The following UGT1A9 variants were observed in gnomAD, a reference collection of about 807,000 sequenced individuals.
UGT1A9 encodes UDP glucuronosyltransferase family 1 member A9, also known as UDP-glucuronosyltransferase 1A9.
Under a neutral mutation model 45.0 loss-of-function variants are expected in UGT1A9, and 35 were observed. The observed-to-expected ratio is 0.78, with a 90% CI of 0.59 to 1.03. UGT1A9 has a LOEUF of 1.03. Among genes scored for constraint, UGT1A9 ranks in the 50% least tolerant of loss-of-function variants. The pLI is 0.00. For synonymous variants in UGT1A9, 278 were observed against 250.6 expected, an observed-to-expected ratio of 1.11 and a Z score of -1.03; for missense variants, 687 against 666.6, an observed-to-expected ratio of 1.03 and a Z score of -0.34.
intron 1 of UGT1A9, among the ~76,000 whole-genome samples, chr2:233,717,113 A>T (rs1374660753): frequency 6.6e-6 from 1 of 152,068 alleles, no homozygotes; most frequent in Admixed American, 6.6e-5. Flanking sequence ...ATAAAACACC[A>T]CTACATGGAA....
chr2:233,686,248 G>A (rs931789955), intron 1 of UGT1A9, among the ~76,000 whole-genome samples: 3 of 149,774 alleles, frequency 2.0e-5, no homozygotes, highest in African/African-American at 7.3e-5. Flanking sequence ...TGGTTTCTGA[G>A]ATTTTTTTTT....
At chr2:233,737,438 C>T (rs756713740) in intron 1 of UGT1A9, among the ~76,000 whole-genome samples, 1 of 152,164 alleles carries the variant, frequency 6.6e-6, no homozygotes, top group Non-Finnish European at 1.5e-5. Context: ...GTGGGAGTGT[C>T]CCGTTTTTCC....
intron 1 of UGT1A9, among the ~76,000 whole-genome samples, chr2:233,757,694 G>A (rs757732265): frequency 2.0e-5 from 3 of 151,666 alleles, no homozygotes; most frequent in Non-Finnish European, 4.4e-5. Flanking sequence ...ATTCAAGGAA[G>A]GTGGCTTTGC....
At chr2:233,712,429 G>A (rs1352438227) in intron 1 of UGT1A9, among the ~76,000 whole-genome samples, 1 of 152,122 alleles carries the variant, frequency 6.6e-6, no homozygotes, top group African/African-American at 2.4e-5. Flanking sequence ...GAAATATCCT[G>A]GTGTGAAAAA....
intron 1 of UGT1A9, among the ~76,000 whole-genome samples, chr2:233,715,183 G>A (rs1174195139): frequency 6.6e-6 from 1 of 152,120 alleles, no homozygotes; most frequent in South Asian, 2.1e-4. Flanking sequence ...ACCACACCTA[G>A]GCAATTTTTC....
intron 1 of UGT1A9, chr2:233,682,183 T>A: frequency 6.2e-7 from 1 of 1,614,154 alleles, no homozygotes; most frequent in Non-Finnish European, 8.5e-7. Context: ...CCTCATACAC[T>A]CTGGAGGATC....
At chr2:233,674,028 T>G (rs2074270928) in intron 1 of UGT1A9, among the ~76,000 whole-genome samples, 1 of 152,198 alleles carries the variant, frequency 6.6e-6, no homozygotes, top group Admixed American at 6.5e-5. Flanking sequence ...AATAACATTC[T>G]TAGCAAATGT....
Position 233,672,310 on chromosome 2 carries a change from A to G in UGT1A9, c.376A>G (p.Ser126Gly). 1 of 1,614,062 alleles carries G rather than the reference A, an allele frequency of 6.2e-7. No individual in the cohort carries two copies. Residue 126 changes from serine (S) to glycine (G), a missense_variant, in exon 1 of 5, where the codon AGT becomes GGT. Transcript: ENST00000354728. ...TGACTTATTTTTTTCAAATTGCAGG[A>G]GTTTGTTTAAAGACAAAAAATTAGT... The part of the protein sequence containing the change: ...IFDLFFSNCR[S>G]LFKDKKLVEY...
At chr2:233,746,265 C>T (rs187514797) in intron 1 of UGT1A9, among the ~76,000 whole-genome samples, 21 of 151,710 alleles carry the variant, frequency 1.4e-4, no homozygotes, top group Admixed American at 8.5e-4. Context: ...CAGAACAAAA[C>T]GCTGTGGGGA....
chr2:233,676,793 T>G (rs933998892), intron 1 of UGT1A9, among the ~76,000 whole-genome samples: 2 of 152,226 alleles, frequency 1.3e-5, no homozygotes, highest in African/African-American at 4.8e-5. Flanking sequence ...GGTCTTTTCT[T>G]GTTTTCTTGC....
intron 1 of UGT1A9, chr2:233,718,776 G>T (rs2076682469): frequency 6.2e-6 from 10 of 1,612,920 alleles, no homozygotes; most frequent in Non-Finnish European, 8.5e-6. Context: ...AATGTAGCAG[G>T]CACAGCGTGG....
At chr2:233,755,071 G>A (rs775333434) in intron 1 of UGT1A9, 133 of 1,336,342 alleles carry the variant, frequency 1.0e-4, no homozygotes, top group Non-Finnish European at 1.3e-4. Context: ...TCGCCATAGC[G>A]GTCATAGATA....
chr2:233,681,973 A>T (rs768736320), intron 1 of UGT1A9: 1 of 1,614,064 alleles, frequency 6.2e-7, no homozygotes, highest in South Asian at 1.1e-5. Context: ...TCCTTCCCCT[A>T]TATGTGTGTC....
intron 1 of UGT1A9, among the ~76,000 whole-genome samples, chr2:233,679,592 T>C (rs746146056): frequency 6.6e-6 from 1 of 152,178 alleles, no homozygotes; most frequent in Non-Finnish European, 1.5e-5. Context: ...TAGGGCACTG[T>C]CATCTGTATT....
intron 1 of UGT1A9, among the ~76,000 whole-genome samples, chr2:233,706,920 A>G (rs2075930825): frequency 6.6e-6 from 1 of 152,182 alleles, no homozygotes; most frequent in South Asian, 2.1e-4. Flanking sequence ...CTGCCAGAGT[A>G]TGAGTCTGGT....
intron 1 of UGT1A9, among the ~76,000 whole-genome samples, chr2:233,731,547 T>A (rs548605747): frequency 6.6e-6 from 1 of 152,218 alleles, no homozygotes; most frequent in Non-Finnish European, 1.5e-5. Flanking sequence ...TGGTTTTCTG[T>A]CCATGTGATA....
chr2:233,767,989 T>C lies in UGT1A9; in HGVS notation c.1075+53T>C, dbSNP rs1699539176. The C allele has an allele frequency of 3.1e-6, 5 of 1,614,076 alleles. No homozygotes were observed. In the Admixed American group the frequency reaches 5.0e-5, roughly 16 times the overall value. Reference sequence around the variant, plus strand: ...TCAAACCAGGGTCAAATTAAGAAAATGGCTTAAGCACAGCTATTCTAAAGG... The same window carrying C: ...TCAAACCAGGGTCAAATTAAGAAAACGGCTTAAGCACAGCTATTCTAAAGG... On this transcript the variant is annotated intron_variant, in intron 3 of 4. Coordinates refer to ENST00000354728, the MANE Select transcript of UGT1A9 (RefSeq NM_021027.3).
At chr2:233,733,555 G>A (rs1474248933) in intron 1 of UGT1A9, among the ~76,000 whole-genome samples, 2 of 152,168 alleles carry the variant, frequency 1.3e-5, no homozygotes, top group East Asian at 1.9e-4. Context: ...TTCTGCATCT[G>A]TTGAAATAAT....
intron 1 of UGT1A9, chr2:233,747,771 T>C (rs1693772366): frequency 2.5e-6 from 4 of 1,613,546 alleles, no homozygotes; most frequent in Non-Finnish European, 3.4e-6. Context: ...GGGCACACAG[T>C]GTCCAAATCC....
Sources: gnomAD v4.1 joint callset for allele counts (sites outside exome capture counted in the v4.1 genomes callset) on GRCh38, gnomAD v4.1.1 for gene constraint, MANE v1.5 for transcripts, NCBI Gene and HGNC (gene_info 2026-07-23, HGNC 2026-07-21) for gene names.